The following DYNC2H1 variants were observed in gnomAD, a reference collection of about 807,000 sequenced individuals.
DYNC2H1 encodes dynein cytoplasmic 2 heavy chain 1, also known as cytoplasmic dynein 2 heavy chain 1.
A neutral mutation model predicts 570.0 loss-of-function variants in DYNC2H1; 410 were observed. That is an observed-to-expected ratio of 0.72 (90% CI 0.66 to 0.78). DYNC2H1 has a LOEUF of 0.78. Ranked by LOEUF, DYNC2H1 falls within the 30% of genes least tolerant of loss-of-function variation. DYNC2H1 has a pLI of 0.00. For missense variants in DYNC2H1, 4,865 were observed against 5,046.4 expected (o/e 0.96, Z 1.09); for synonymous variants, 1,688 against 1,677.6 (o/e 1.01, Z -0.15).
Position 103,125,276 on chromosome 11 carries a change from A to G in DYNC2H1, c.1838A>G (p.Gln613Arg). 6.2e-7 allele frequency: 1 copy of G among 1,607,194 alleles called. No individual in the cohort carries two copies. Among genetic ancestry groups the G allele is most frequent in the Non-Finnish European group, 8.5e-7 (1 of 1,176,276 alleles). The change falls in exon 12 of 89, where the codon CAA becomes CGA. Residue 613 changes from glutamine (Q) to arginine (R), a missense_variant. By Grantham distance (43) the Gln-to-Arg change is conservative. Around this residue, in one of 5 missense-constraint regions of DYNC2H1, gnomAD observed 1,936 missense variants for 1,962.1 expected, o/e 0.99. Transcript: ENST00000375735. ...VANIAQKFCK[Q>R]AIILKQVAHF... ...AACATTGCACAGAAATTCTGCAAGC[A>G]AGCAATTATTCTTAAACAAGTATGA...
At chr11:103,156,926 C>T (rs1860862792) in intron 26 of DYNC2H1, among the ~76,000 whole-genome samples, 156 bp downstream of exon 26, 3 of 152,152 alleles carry the variant, frequency 2.0e-5, no homozygotes, top group African/African-American at 7.2e-5. Context: ...AAGCTATTCT[C>T]TCATTCAAGC....
chr11:103,350,095 T>C (rs1489323031), intron 82 of DYNC2H1, among the ~76,000 whole-genome samples: 1 of 152,106 alleles, frequency 6.6e-6, no homozygotes, highest in Non-Finnish European at 1.5e-5. Context: ...TCTTGATGTG[T>C]TTGGTGACAC....
chr11:103,159,783 T>G (rs1861006277), intron 28 of DYNC2H1, among the ~76,000 whole-genome samples: 1 of 152,190 alleles, frequency 6.6e-6, no homozygotes, highest in African/African-American at 2.4e-5. Flanking sequence ...AAAATAATTT[T>G]CATCATTTTA....
intron 70 of DYNC2H1, among the ~76,000 whole-genome samples, chr11:103,278,418 G>C (rs551006976): frequency 6.6e-6 from 1 of 152,252 alleles, no homozygotes; most frequent in East Asian, 1.9e-4. Flanking sequence ...GAGGTAGATA[G>C]TATTTAATAT....
At chr11:103,112,561 A>C (rs1208203849) in intron 1 of DYNC2H1, among the ~76,000 whole-genome samples, 2 of 152,214 alleles carry the variant, frequency 1.3e-5, no homozygotes, top group Non-Finnish European at 2.9e-5. Flanking sequence ...ATGTTCTAAT[A>C]AAACTTTATG....
rs1326743739 is a variant in DYNC2H1, at chr11:103,312,022, T to C, written c.11638T>C (p.Tyr3880His). 1.2e-6 allele frequency: 2 copies of C among 1,610,256 alleles called. No individual in the cohort carries two copies. The highest frequency in any genetic ancestry group is 1.7e-6 in the Non-Finnish European group (2 of 1,178,964). ...TGCTGCATGTCAAGAAAGAAGAAAC[T>C]ATATTCCTCAGGTAAGTAAGAACAT... ...FHAACQERRN[Y>H]IPQGWTKFYE... Residue 3880 changes from tyrosine (Y) to histidine (H), a missense_variant, in exon 79 of 89, where the codon TAT becomes CAT. Around this residue, in one of 5 missense-constraint regions of DYNC2H1, gnomAD observed 2,401 missense variants for 2,454.6 expected, o/e 0.98. Coordinates refer to ENST00000375735, the MANE Select transcript of DYNC2H1 (RefSeq NM_001377.3).
At chr11:103,158,853 T>A (rs1464461811) in intron 27 of DYNC2H1, 44 bp downstream of exon 27, 2 of 1,489,824 alleles carry the variant, frequency 1.3e-6, no homozygotes, top group East Asian at 4.9e-5. Flanking sequence ...TGTAAAGTAC[T>A]TGATATCTTA....
At chr11:103,450,127 T>C (rs779451769) in intron 85 of DYNC2H1, among the ~76,000 whole-genome samples, 1 of 152,164 alleles carries the variant, frequency 6.6e-6, no homozygotes, top group Non-Finnish European at 1.5e-5. Flanking sequence ...TATTTTATAA[T>C]GATACAGAGA....
Position 103,308,448 on chromosome 11 carries a change from A to C in DYNC2H1, c.11493+617A>C, listed in dbSNP as rs577187782. The stretch of plus-strand genomic sequence containing the variant: ...TTTGACTTCTTGGCTGTTGTGAATA[A>C]TACAGTGAACACTGGTGAGCACATA... On this transcript the variant is annotated intron_variant, in intron 78 of 88. Coordinates refer to ENST00000375735, the MANE Select transcript of DYNC2H1 (RefSeq NM_001377.3). Among the ~76,000 whole-genome samples, 3 of 152,338 alleles carry C rather than the reference A, an allele frequency of 2.0e-5. No individual in the cohort carries two copies. The East Asian group carries it at 5.8e-4, about 29-fold the overall frequency.
At position 103,186,014 on chromosome 11, in the gene DYNC2H1, T is replaced by C. The variant is rs1456236907; in HGVS notation, c.6634-228T>C. On this transcript the variant is annotated intron_variant, in intron 41 of 88. Coordinates refer to ENST00000375735, the MANE Select transcript of DYNC2H1 (RefSeq NM_001377.3). The surrounding 1 kb of genome is among the most constrained non-coding windows in gnomAD (Gnocchi z 4.5). The stretch of plus-strand genomic sequence containing the variant: ...TTATACCTTAGTGTATAAATAAATA[T>C]CCACTATGTCATTATCTCCTATATA... Among the ~76,000 whole-genome samples, 1 of 151,976 alleles carries C rather than the reference T, an allele frequency of 6.6e-6. No individual in the cohort carries two copies. The highest frequency in any genetic ancestry group is 1.5e-5 in the Non-Finnish European group (1 of 67,946).
At chr11:103,390,585 C>G (rs1382721536) in intron 83 of DYNC2H1, among the ~76,000 whole-genome samples, 1 of 152,194 alleles carries the variant, frequency 6.6e-6, no homozygotes, top group Non-Finnish European at 1.5e-5. Context: ...GCAGCTTCTT[C>G]CTAGCCTTGA....
rs1354480990 is a variant in DYNC2H1 at position 103,395,549 on chromosome 11, T to A, written c.12157-4114T>A. Among the ~76,000 whole-genome samples, 1 of 151,986 alleles carries A rather than the reference T, an allele frequency of 6.6e-6. No homozygotes were observed. The highest frequency in any genetic ancestry group is 1.5e-5 in the Non-Finnish European group (1 of 67,984). ...TATTGGCACCATTTTTCATACAGCA[T>A]CTCTTTATTATCACAGAATTATTGC... On this transcript the variant is annotated intron_variant, in intron 83 of 88. Coordinates refer to ENST00000375735, the MANE Select transcript of DYNC2H1 (RefSeq NM_001377.3). The surrounding 1 kb of genome is among the most constrained non-coding windows in gnomAD (Gnocchi z 4.3).
At chr11:103,182,003 T>A in intron 40 of DYNC2H1, 117 bp downstream of exon 40, 1 of 1,120,424 alleles carries the variant, frequency 8.9e-7, no homozygotes, top group Non-Finnish European at 1.2e-6. Context: ...AGGTGAGAGG[T>A]GGATTTTGTC....
Position 103,131,965 on chromosome 11 carries a change from G to C in DYNC2H1, c.1954-1590G>C, listed in dbSNP as rs897359988. Among the ~76,000 whole-genome samples, 10 of 152,086 alleles carry C rather than the reference G, an allele frequency of 6.6e-5. No individual in the cohort carries two copies. The East Asian group carries it at 1.7e-3, about 26-fold the overall frequency. On this transcript the variant is annotated intron_variant, in intron 13 of 88. Coordinates refer to ENST00000375735, the MANE Select transcript of DYNC2H1 (RefSeq NM_001377.3). ...GTTTACTCAGCTTCTTGAATCTGTAGGTTTATGTCTTTTGCCACATTTGTT... is the reference window on the plus strand; with the variant it reads ...GTTTACTCAGCTTCTTGAATCTGTACGTTTATGTCTTTTGCCACATTTGTT...
In DYNC2H1 at chr11:103,184,761, T is replaced by C. The variant is rs17374415; in HGVS notation, c.6478-135T>C. On this transcript the variant is annotated intron_variant, in intron 40 of 88. Coordinates refer to ENST00000375735, the MANE Select transcript of DYNC2H1 (RefSeq NM_001377.3). ...TATAAAAATTGAATGAAATCCAAAC[T>C]TTCTACAGTTTGAATAGAGGAGTGA... 0.11 allele frequency: 82,284 copies of C among 770,224 alleles called. 5,007 individuals carry two copies. The highest frequency in any genetic ancestry group is 0.12 in the East Asian group (4,422 of 36,254). The allele number at this position is 770,224 out of a possible 1,614,324, so 47.7% of individuals were successfully genotyped here. A position where few individuals can be genotyped will look rare whatever the true frequency, so the allele number is the denominator to read the frequency against.
At chr11:103,155,188 A>G in intron 24 of DYNC2H1, 143 bp from the exon 25 acceptor site, 1 of 798,452 alleles carries the variant, frequency 1.3e-6, no homozygotes, top group Non-Finnish European at 1.9e-6. Context: ...GTTTAAGAAT[A>G]TGATTTTAAG....
intron 59 of DYNC2H1, among the ~76,000 whole-genome samples, chr11:103,224,375 C>G (rs11225607): frequency 0.017 from 2,568 of 149,556 alleles, 35 homozygotes; most frequent in Non-Finnish European, 0.026. Flanking sequence ...TACACTATAC[C>G]CAATGTGTAG....
At chr11:103,255,361 T>G (rs1865012084) in intron 66 of DYNC2H1, 54 bp from the exon 67 acceptor site, 1 of 1,514,018 alleles carries the variant, frequency 6.6e-7, no homozygotes, top group Non-Finnish European at 8.8e-7. Context: ...AGGAAGTTTT[T>G]GTTTTGTTTT....
intron 25 of DYNC2H1, 35 bp from the exon 26 acceptor site, chr11:103,156,353 T>C (rs1359718184): frequency 1.9e-6 from 3 of 1,558,494 alleles, no homozygotes; most frequent in Non-Finnish European, 2.6e-6. Flanking sequence ...AAATTAATGT[T>C]GAAGTAATAA....
Sources: allele counts gnomAD v4.1 joint callset (sites outside exome capture counted in the v4.1 genomes callset), GRCh38; gene constraint gnomAD v4.1.1; regional missense constraint gnomAD v4.1.1; non-coding constraint Gnocchi (gnomAD v3.1); transcripts MANE v1.5; gene names NCBI Gene and HGNC (gene_info 2026-07-23, HGNC 2026-07-21).